DST: variants seen among roughly 807,000 people sequenced by gnomAD.
DST encodes bullous pemphigoid antigen.
A neutral mutation model predicts 875.2 loss-of-function variants in DST; 253 were observed. The ratio of observed to expected loss-of-function variants is 0.29; its 90% confidence interval spans 0.26 to 0.32. DST has a LOEUF of 0.32. Among genes scored for constraint, DST ranks in the 10% least tolerant of loss-of-function variants. The pLI is 1.00. For missense variants in DST, 8,287 were observed against 9,111.6 expected (o/e 0.91, Z 3.68); for synonymous variants, 3,124 against 3,197.1 (o/e 0.98, Z 0.77).
At chr6:56,535,448 G>A (rs2096977151) in intron 62 of DST, among the ~76,000 whole-genome samples, 156 bp from the exon 63 acceptor site, 1 of 152,164 alleles carries the variant, frequency 6.6e-6, no homozygotes, top group Non-Finnish European at 1.5e-5. Flanking sequence ...TAGTAGGCAG[G>A]ATAGCAGTGA....
rs771678950 is a variant in DST, at chr6:56,714,854, G to A, written c.688-10485C>T. Among the ~76,000 whole-genome samples, 6 of 152,196 alleles carry A rather than the reference G, an allele frequency of 3.9e-5. No homozygotes were observed. The highest frequency in any genetic ancestry group is 7.2e-5 in the African/African-American group (3 of 41,532). ...TTTTCCTACTAGGTCAAATTCTAAC[G>A]TCATCCAGGCAGTGATGGTTTCCTT... On this transcript the variant is annotated intron_variant, in intron 5 of 103. Transcript: ENST00000680361. This position sits in a 1 kb window ranked among gnomAD's most constrained non-coding sequence, Gnocchi z 4.5.
At chr6:56,851,218 G>C (rs887912370) in intron 4 of DST, 179 bp downstream of exon 4, 10 of 625,492 alleles carry the variant, frequency 1.6e-5, no homozygotes, top group Middle Eastern at 4.3e-4. Flanking sequence ...CCAGCAGGCA[G>C]GGCAAATGGC....
intron 69 of DST, among the ~76,000 whole-genome samples, chr6:56,522,692 C>G (rs1003071919): frequency 2.6e-5 from 4 of 152,068 alleles, no homozygotes; most frequent in African/African-American, 9.7e-5. Context: ...CCCAAACCAC[C>G]AATCCAAGGG....
chr6:56,663,147 TA>T (rs1476839091), intron 10 of DST, among the ~76,000 whole-genome samples: 1 of 152,218 alleles, frequency 6.6e-6, no homozygotes, highest in East Asian at 1.9e-4. Context: ...GGTAAAACCA[TA>T]TAGATACAAT....
At chr6:56,735,909 G>C (rs2099521666) in intron 4 of DST, among the ~76,000 whole-genome samples, 1 of 152,042 alleles carries the variant, frequency 6.6e-6, no homozygotes, top group Non-Finnish European at 1.5e-5. Flanking sequence ...CTGGAGTGCA[G>C]TGGCATGATC....
intron 10 of DST, among the ~76,000 whole-genome samples, chr6:56,668,105 G>A (rs951501621): frequency 1.6e-4 from 24 of 152,104 alleles, no homozygotes; most frequent in African/African-American, 5.6e-4. Flanking sequence ...GGAGAGAGCA[G>A]AACACACCCT....
intron 8 of DST, 82 bp from the exon 9 acceptor site, chr6:56,699,827 TA>T (rs1359432105): frequency 6.9e-6 from 4 of 576,434 alleles, no homozygotes; most frequent in Non-Finnish European, 1.2e-5. Flanking sequence ...AAAGCAATTC[TA>T]AAATTATACA....
chr6:56,832,439 T>G (rs761854651), intron 4 of DST, among the ~76,000 whole-genome samples: 1 of 152,156 alleles, frequency 6.6e-6, no homozygotes, highest in Non-Finnish European at 1.5e-5. Flanking sequence ...ATGTAAGACG[T>G]GACTTGCCCC....
chr6:56,530,196 T>C, intron 64 of DST, 63 bp from the exon 65 acceptor site: 1 of 1,313,718 alleles, frequency 7.6e-7, no homozygotes, highest in Non-Finnish European at 1.0e-6. Context: ...ACAAAAATCT[T>C]CAGTCATGCT....
At chr6:56,791,800 AAAAGAAAGAAAG>A (rs1330618895) in intron 4 of DST, among the ~76,000 whole-genome samples, 6 of 151,828 alleles carry the variant, frequency 4.0e-5, no homozygotes, top group Non-Finnish European at 5.9e-5. Context: ...AAAAAAAAAA[AAAAGAAAGAAAG>A]AAAAGAAAGC....
chr6:56,883,370 C>T (rs1043602679), intron 3 of DST, among the ~76,000 whole-genome samples: 3 of 152,154 alleles, frequency 2.0e-5, no homozygotes, highest in African/African-American at 7.2e-5. Context: ...ACACCATTCA[C>T]TAATATGGTC....
At chr6:56,787,764 G>T (rs1564182256) in intron 4 of DST, among the ~76,000 whole-genome samples, 1 of 152,132 alleles carries the variant, frequency 6.6e-6, no homozygotes, top group Non-Finnish European at 1.5e-5. Context: ...CTTCTTCTAT[G>T]AAAGTACTAT....
At chr6:56,491,075 G>A in intron 85 of DST, among the ~76,000 whole-genome samples, 1 of 152,152 alleles carries the variant, frequency 6.6e-6, no homozygotes, top group Non-Finnish European at 1.5e-5. Context: ...AAACTGTCAG[G>A]CTGAGAATTA....
At chr6:56,709,987 C>A (rs1365358746) in intron 5 of DST, among the ~76,000 whole-genome samples, 2 of 152,126 alleles carry the variant, frequency 1.3e-5, no homozygotes, top group Non-Finnish European at 2.9e-5. Context: ...GAACGATGCG[C>A]CGGTGGACAT....
chr6:56,821,418 T>C (rs995496748), intron 4 of DST, among the ~76,000 whole-genome samples: 4 of 152,096 alleles, frequency 2.6e-5, no homozygotes, highest in African/African-American at 7.2e-5. Flanking sequence ...GACCAGGAGG[T>C]AGAAGTATAC....
intron 4 of DST, among the ~76,000 whole-genome samples, chr6:56,830,403 TAATTG>T (rs1313942728): frequency 6.6e-6 from 1 of 152,198 alleles, no homozygotes; most frequent in Non-Finnish European, 1.5e-5. Context: ...CGTATATAGG[TAATTG>T]AATTACAGAT....
chr6:56,658,199 C>CTAGGAA (rs1278189765), intron 10 of DST, among the ~76,000 whole-genome samples: 1 of 152,100 alleles, frequency 6.6e-6, no homozygotes, highest in Non-Finnish European at 1.5e-5. Context: ...TCCCGAGTAG[C>CTAGGAA]TAGGAATTCT....
At chr6:56,951,304 T>C (rs1822177745) in intron 2 of DST, among the ~76,000 whole-genome samples, 1 of 152,222 alleles carries the variant, frequency 6.6e-6, no homozygotes, top group African/African-American at 2.4e-5. Flanking sequence ...AGTGAGTTAA[T>C]CTACTTACTG....
chr6:56,900,588 G>A lies in DST; in HGVS notation c.250C>T (p.Arg84Ter). ...CGGGCAGCTGCGGCCGCTGCAACTCGTCTTCTAAGATGCCGAGGGCTTGCT... is the reference window on the plus strand; with the variant it reads ...CGGGCAGCTGCGGCCGCTGCAACTCATCTTCTAAGATGCCGAGGGCTTGCT... The part of the protein sequence containing the change: ...FRASPRHLRR[R>*]VAAAAAARLE... The change falls in exon 3 of 104, where the codon CGA becomes TGA. Residue 84 changes from arginine (R) to a stop codon, truncating the protein, a stop_gained. Coordinates refer to ENST00000680361, the MANE Select transcript of DST (RefSeq NM_001374736.1). LOFTEE classifies it high-confidence loss of function. 3.7e-6 allele frequency: 5 copies of A among 1,367,632 alleles called. No individual in the cohort carries two copies. The highest frequency in any genetic ancestry group is 4.9e-6 in the Non-Finnish European group (5 of 1,021,830). The allele number at this position is 1,367,632 out of a possible 1,614,324, so 84.7% of individuals were successfully genotyped here.
Sources: allele counts gnomAD v4.1 joint callset (sites outside exome capture counted in the v4.1 genomes callset), GRCh38; gene constraint gnomAD v4.1.1; non-coding constraint Gnocchi (gnomAD v3.1); transcripts MANE v1.5; gene names NCBI Gene and HGNC (gene_info 2026-07-23, HGNC 2026-07-21).